Variants in GABRA3 observed in about 807,000 individuals in gnomAD.
GABRA3 encodes the protein gamma-aminobutyric acid receptor subunit alpha-3.
In GABRA3, 10 loss-of-function variants were observed where a neutral mutation model predicts 30.1. The ratio of observed to expected loss-of-function variants is 0.33; its 90% confidence interval spans 0.20 to 0.56. The LOEUF is 0.56. Ranked by LOEUF, GABRA3 falls within the 20% of genes least tolerant of loss-of-function variation. GABRA3 has a pLI of 0.89. For synonymous variants in GABRA3, 151 were observed against 146.8 expected (o/e 1.03, Z -0.21); for missense variants, 233 against 392.0 (o/e 0.59, Z 3.42).
rs762142541 is a variant in GABRA3, at chrX:152,252,081, C to A, written c.551+3697G>T. Among the ~76,000 whole-genome samples, 9 of 111,126 alleles carry A rather than the reference C, an allele frequency of 8.1e-5. No individual in the cohort carries two copies. In the East Asian group the frequency reaches 2.3e-3, roughly 28 times the overall value. On this transcript the variant is annotated intron_variant, in intron 5 of 9. Coordinates refer to ENST00000370314, the MANE Select transcript of GABRA3 (RefSeq NM_000808.4). ...TACTACCTCACAAATATGTGTCAAT[C>A]TCTCCTCTGAAAACAAAAGCAATTT...
chrX:152,241,362 T>C (rs1462459787), intron 5 of GABRA3, among the ~76,000 whole-genome samples: 2 of 95,541 alleles, frequency 2.1e-5, no homozygotes, highest in Non-Finnish European at 4.6e-5. Flanking sequence ...GTCTGCCGGT[T>C]CTCAGATCTC....
At chrX:152,352,271 T>C (rs1246785795) in intron 2 of GABRA3, among the ~76,000 whole-genome samples, 1 of 111,883 alleles carries the variant, frequency 8.9e-6, no homozygotes, top group Non-Finnish European at 1.9e-5. Flanking sequence ...TGTATTTCCA[T>C]ATATGTAAAA....
intron 2 of GABRA3, among the ~76,000 whole-genome samples, chrX:152,360,016 A>G (rs1158143932): frequency 9.8e-6 from 1 of 102,317 alleles, no homozygotes; most frequent in Admixed American, 1.1e-4. Flanking sequence ...TTATGGCTGC[A>G]TAGTATTCCA....
At chrX:152,276,797 C>A (rs1382071270) in intron 4 of GABRA3, among the ~76,000 whole-genome samples, 2 of 109,749 alleles carry the variant, frequency 1.8e-5, no homozygotes, top group East Asian at 5.7e-4. Flanking sequence ...ATAAAAGTTT[C>A]AAAACACAAA....
intron 3 of GABRA3, among the ~76,000 whole-genome samples, chrX:152,309,680 C>T (rs769788829): frequency 2.3e-4 from 26 of 111,617 alleles, no homozygotes; most frequent in Non-Finnish European, 4.3e-4. Context: ...GTATCTGCCA[C>T]GACAAAAACA....
intron 1 of GABRA3, among the ~76,000 whole-genome samples, chrX:152,377,521 A>C (rs1929028309): frequency 9.0e-6 from 1 of 111,352 alleles, no homozygotes; most frequent in Middle Eastern, 4.6e-3. Flanking sequence ...GCAAAACTAT[A>C]AAACAAAACT....
chrX:152,170,005 T>C (rs763844738), intron 9 of GABRA3, among the ~76,000 whole-genome samples: 3 of 112,113 alleles, frequency 2.7e-5, no homozygotes, highest in African/African-American at 9.7e-5. Context: ...TTGCCCAATA[T>C]TTACTGAATG....
At chrX:152,276,956 T>C (rs1174974124) in intron 4 of GABRA3, among the ~76,000 whole-genome samples, 2 of 111,883 alleles carry the variant, frequency 1.8e-5, no homozygotes, top group Non-Finnish European at 3.8e-5. Flanking sequence ...CAGGGTAAGG[T>C]ACACAGGTAA....
intron 5 of GABRA3, among the ~76,000 whole-genome samples, chrX:152,245,626 A>G (rs1938450318): frequency 8.9e-6 from 1 of 111,871 alleles, no homozygotes; most frequent in Non-Finnish European, 1.9e-5. Context: ...AAAAACTTAT[A>G]ATTTTACAAA....
At chrX:152,177,151 T>C (rs917187946) in intron 9 of GABRA3, among the ~76,000 whole-genome samples, 1 of 111,693 alleles carries the variant, frequency 9.0e-6, no homozygotes, top group Non-Finnish European at 1.9e-5. Flanking sequence ...AAAATGGGAA[T>C]CTGATTAACA....
chrX:152,237,211 T>C (rs1269748492), intron 5 of GABRA3, among the ~76,000 whole-genome samples: 3 of 111,478 alleles, frequency 2.7e-5, no homozygotes, highest in Non-Finnish European at 5.6e-5. Flanking sequence ...GCTTTCTCCA[T>C]ATGGCTAGCC....
At position 152,201,337 on chromosome X, in the gene GABRA3, G is replaced by A. The variant is rs5970224; in HGVS notation, c.779-3552C>T. Among the ~76,000 whole-genome samples the A allele has an allele frequency of 8.4e-3, 799 of 94,699 alleles. 4 individuals carry two copies. The highest frequency in any genetic ancestry group is 0.027 in the African/African-American group (733 of 27,593). 82.2% of individuals were successfully genotyped at this position (94,699 alleles called of 115,157 possible). A position where few individuals can be genotyped will look rare whatever the true frequency, so the allele number is the denominator to read the frequency against. ...ATTATGTACCACCTGTGTTGTGTGT[G>A]TTGTATATGAAATATTCAAGGGTAC... is the stretch of plus-strand genomic sequence containing the variant. On this transcript the variant is annotated intron_variant, in intron 7 of 9. Transcript: ENST00000370314.
At chrX:152,326,772 G>A (rs765436805) in intron 3 of GABRA3, among the ~76,000 whole-genome samples, 43 of 111,301 alleles carry the variant, frequency 3.9e-4, no homozygotes, top group African/African-American at 1.3e-3. Flanking sequence ...AAAGACCATC[G>A]ATGCTAAGAA....
intron 1 of GABRA3, among the ~76,000 whole-genome samples, chrX:152,443,359 G>T (rs1930983335): frequency 8.9e-6 from 1 of 112,067 alleles, no homozygotes; most frequent in Non-Finnish European, 1.9e-5. Context: ...ACTGTCATGG[G>T]TGTATGAGCA....
At chrX:152,268,775 G>T (rs1329666567) in intron 4 of GABRA3, among the ~76,000 whole-genome samples, 2 of 111,242 alleles carry the variant, frequency 1.8e-5, no homozygotes, top group Non-Finnish European at 3.8e-5. Flanking sequence ...TTGTGATGTT[G>T]CCCAGGCTGG....
At chrX:152,269,020 T>C (rs1259099314) in intron 4 of GABRA3, among the ~76,000 whole-genome samples, 1 of 112,391 alleles carries the variant, frequency 8.9e-6, no homozygotes, top group Non-Finnish European at 1.9e-5. Flanking sequence ...ATGATATAAA[T>C]TCTATTTCCT....
At chrX:152,249,547 T>C (rs935566341) in intron 5 of GABRA3, among the ~76,000 whole-genome samples, 4 of 111,213 alleles carry the variant, frequency 3.6e-5, no homozygotes, top group African/African-American at 1.3e-4. Context: ...TGCCTTCCTC[T>C]AATCTGCCTC....
At chrX:152,270,880 T>C (rs77354546) in intron 4 of GABRA3, among the ~76,000 whole-genome samples, 2,433 of 107,982 alleles carry the variant, frequency 0.023, 51 homozygotes, top group East Asian at 0.064. Flanking sequence ...ACAGGAAAAT[T>C]TGGGAAACTT....
At chrX:152,374,472 T>C (rs1179285551) in intron 1 of GABRA3, among the ~76,000 whole-genome samples, 1 of 105,155 alleles carries the variant, frequency 9.5e-6, no homozygotes, top group Non-Finnish European at 1.9e-5. Context: ...TGCCTCAGCC[T>C]CCCGAGTAGC....
Sources: gnomAD v4.1 joint callset for allele counts (sites outside exome capture counted in the v4.1 genomes callset) on GRCh38, gnomAD v4.1.1 for gene constraint, MANE v1.5 for transcripts, NCBI Gene and HGNC (gene_info 2026-07-23, HGNC 2026-07-21) for gene names.